Variants in DEFB1 observed in about 807,000 individuals in gnomAD.
DEFB1 encodes the protein defensin beta 1, also known as beta-defensin 1.
Under a neutral mutation model 2.6 loss-of-function variants are expected in DEFB1, and 4 were observed. That is an observed-to-expected ratio of 1.53 (90% CI 0.76 to 3.51). DEFB1 has a LOEUF of 3.51. DEFB1 is among the 30% of genes most tolerant of loss of function. The pLI is 0.01. For synonymous variants in DEFB1, 56 were observed against 28.5 expected, an observed-to-expected ratio of 1.96 and a Z score of -3.07; for missense variants, 162 against 76.9, an observed-to-expected ratio of 2.11 and a Z score of -4.14.
intron 1 of DEFB1, among the ~76,000 whole-genome samples, chr8:6,872,123 C>T (rs2977782): frequency 0.18 from 26,864 of 152,008 alleles, 2,594 homozygotes; most frequent in Admixed American, 0.24. Context: ...TGGTCCCTTC[C>T]CAAACCTCTT....
At chr8:6,877,774 C>A (rs767176569) in intron 1 of DEFB1, 23 bp downstream of exon 1, 2 of 1,609,978 alleles carry the variant, frequency 1.2e-6, no homozygotes, top group Non-Finnish European at 1.7e-6. Context: ...GGATGGGAAA[C>A]TCTTGCAGGT....
Position 6,870,925 on chromosome 8 carries a change from G to C in DEFB1, c.62-99C>G, listed in dbSNP as rs932783818. 4.6e-6 allele frequency: 6 copies of C among 1,316,954 alleles called. No individual in the cohort carries two copies. In the African/African-American group the frequency reaches 7.4e-5, roughly 16 times the overall value. The allele number at this position is 1,316,954 out of a possible 1,614,324, so 81.6% of individuals were successfully genotyped here. A position where few individuals can be genotyped will look rare whatever the true frequency, so the allele number is the denominator to read the frequency against. On this transcript the variant is annotated intron_variant, in intron 1 of 1. Coordinates refer to ENST00000297439, the MANE Select transcript of DEFB1 (RefSeq NM_005218.4). Reference sequence around the variant, plus strand: ...CAGAACAAATAACTGCAAAACACCGGAGAGTCTTCTCTTCCAAGAAATTGG... The same window carrying C: ...CAGAACAAATAACTGCAAAACACCGCAGAGTCTTCTCTTCCAAGAAATTGG...
chr8:6,871,399 C>T (rs1165726922), intron 1 of DEFB1, among the ~76,000 whole-genome samples: 2 of 152,068 alleles, frequency 1.3e-5, no homozygotes, highest in African/African-American at 4.8e-5. Context: ...TTGCCCTTCT[C>T]CCAGTATCCC....
At chr8:6,872,231 G>A (rs1014328656) in intron 1 of DEFB1, among the ~76,000 whole-genome samples, 2 of 151,944 alleles carry the variant, frequency 1.3e-5, no homozygotes, top group South Asian at 2.1e-4. Context: ...CGCCAACCAA[G>A]GTAAATAGAG....
At chr8:6,874,748 G>C (rs1806456643) in intron 1 of DEFB1, among the ~76,000 whole-genome samples, 2 of 152,200 alleles carry the variant, frequency 1.3e-5, no homozygotes, top group Admixed American at 6.5e-5. Context: ...TTGTGAGGCA[G>C]AGGCAGGCAG....
intron 1 of DEFB1, among the ~76,000 whole-genome samples, chr8:6,871,687 G>T (rs1806322086): frequency 6.6e-6 from 1 of 152,184 alleles, no homozygotes; most frequent in African/African-American, 2.4e-5. Context: ...CATAAGACTT[G>T]CATCCTTATA....
intron 1 of DEFB1, among the ~76,000 whole-genome samples, chr8:6,876,857 C>CAAAAAACAAAAAAAAAAAA (rs1806550660): frequency 6.2e-5 from 1 of 16,088 alleles, no homozygotes; most frequent in Non-Finnish European, 1.1e-4. Flanking sequence ...AAAAAAAAAA[C>CAAAAAACAAAAAAAAAAAA]AAAAAAACAA....
Position 6,877,922 on chromosome 8 carries a change from A to C in DEFB1, c.-65T>G. 1 of 1,460,666 alleles carries C rather than the reference A, an allele frequency of 6.8e-7. No individual in the cohort carries two copies. 90.5% of individuals were successfully genotyped at this position (1,460,666 alleles called of 1,614,324 possible). On this transcript the variant is annotated 5_prime_UTR_variant, in exon 1 of 2. Coordinates refer to ENST00000297439, the MANE Select transcript of DEFB1 (RefSeq NM_005218.4). ...GAGACGCTGGCTCCTTTGGAGGCTG[A>C]GCTGACAGAGGCTTCCAGAGGCTGG...
intron 1 of DEFB1, among the ~76,000 whole-genome samples, chr8:6,877,036 C>A (rs538020582): frequency 6.6e-6 from 1 of 152,182 alleles, no homozygotes; most frequent in African/African-American, 2.4e-5. Flanking sequence ...ACTTTCTGAA[C>A]TGGAGTGCTT....
chr8:6,877,902 G>A lies in DEFB1; in HGVS notation c.-45C>T, dbSNP rs752042487. The A allele has an allele frequency of 6.3e-6, 10 of 1,579,524 alleles. No individual in the cohort carries two copies. Among genetic ancestry groups the A allele is most frequent in the Non-Finnish European group, 8.7e-6 (10 of 1,148,836 alleles). On this transcript the variant is annotated 5_prime_UTR_variant, in exon 1 of 2. Coordinates refer to ENST00000297439, the MANE Select transcript of DEFB1 (RefSeq NM_005218.4). Reference sequence around the variant, plus strand: ...CCAGGATTTCAGGAACTGGGGAGACGCTGGCTCCTTTGGAGGCTGAGCTGA... The same window carrying A: ...CCAGGATTTCAGGAACTGGGGAGACACTGGCTCCTTTGGAGGCTGAGCTGA...
chr8:6,874,793 C>G, intron 1 of DEFB1, among the ~76,000 whole-genome samples: 1 of 151,984 alleles, frequency 6.6e-6, no homozygotes, highest in East Asian at 1.9e-4. Flanking sequence ...ACCAGCCTGG[C>G]CAACATGGTG....
At chr8:6,876,786 G>C (rs1399089966) in intron 1 of DEFB1, among the ~76,000 whole-genome samples, 1 of 144,364 alleles carries the variant, frequency 6.9e-6, no homozygotes, top group Non-Finnish European at 1.5e-5. Flanking sequence ...CTGGGTGACA[G>C]AGTGAGACCC....
chr8:6,877,205 C>G (rs1806565196), intron 1 of DEFB1, among the ~76,000 whole-genome samples: 1 of 152,210 alleles, frequency 6.6e-6, no homozygotes, highest in East Asian at 1.9e-4. Context: ...GCTGCTTTGG[C>G]CCAGAGAAGC....
At chr8:6,871,246 C>T (rs532071176) in intron 1 of DEFB1, among the ~76,000 whole-genome samples, 13 of 152,350 alleles carry the variant, frequency 8.5e-5, no homozygotes, top group African/African-American at 2.9e-4. Context: ...CCTTCAGTTA[C>T]GCTGTTCCCT....
At position 6,877,853 on chromosome 8, in the gene DEFB1, C is replaced by A; in HGVS notation, c.5G>T (p.Arg2Ile). ...AGTAAACAGCAGAAGGTAGGAAGTT[C>A]TCATGGCGACTGGCAGGCAACACCC... M[R>I]TSYLLLFTLC... Residue 2 changes from arginine (R) to isoleucine (I), a missense_variant, in exon 1 of 2, where the codon AGA (arginine) becomes ATA (isoleucine). By Grantham distance (97) the Arg-to-Ile change is moderately conservative. Transcript: ENST00000297439. 1 of 1,613,964 alleles carries A rather than the reference C, an allele frequency of 6.2e-7. No homozygotes were observed. The highest frequency in any genetic ancestry group is 1.1e-5 in the South Asian group (1 of 91,066).
In DEFB1 at chr8:6,877,803, C is replaced by A; in HGVS notation, c.55G>T (p.Ala19Ser). The A allele has an allele frequency of 6.2e-7, 1 of 1,613,756 alleles. No homozygotes were observed. The highest frequency in any genetic ancestry group is 8.5e-7 in the Non-Finnish European group (1 of 1,179,782). Residue 19 changes from alanine to serine, a missense_variant, in exon 1 of 2, where the codon GCC becomes TCC. Coordinates refer to ENST00000297439, the MANE Select transcript of DEFB1 (RefSeq NM_005218.4). Reference protein sequence around the residue: ...FTLCLLLSEMASGGNFLTGLG... With the variant: ...FTLCLLLSEMSSGGNFLTGLG... ...TGCAGGTACCAGAGCTTACCTGAGG[C>A]CATCTCAGACAAAAGTAAGCAGAGA...
chr8:6,873,409 G>C (rs1440266364), intron 1 of DEFB1, among the ~76,000 whole-genome samples: 1 of 152,130 alleles, frequency 6.6e-6, no homozygotes, highest in African/African-American at 2.4e-5. Context: ...TAGTGAGAGG[G>C]TACTTTGATT....
intron 1 of DEFB1, 67 bp from the exon 2 acceptor site, chr8:6,870,893 G>C: frequency 1.3e-6 from 2 of 1,519,380 alleles, no homozygotes; most frequent in East Asian, 4.6e-5. Context: ...AGAACATCTC[G>C]CGAAAGCAGA....
intron 1 of DEFB1, 120 bp downstream of exon 1, chr8:6,877,677 A>G: frequency 7.9e-6 from 7 of 888,454 alleles, no homozygotes; most frequent in Admixed American, 4.4e-5. Context: ...CAACCACGGG[A>G]TGCTTTCCTG....
Sources: allele counts gnomAD v4.1 joint callset (sites outside exome capture counted in the v4.1 genomes callset), GRCh38; gene constraint gnomAD v4.1.1; transcripts MANE v1.5; gene names NCBI Gene and HGNC (gene_info 2026-07-23, HGNC 2026-07-21).